Variants in RANBP17 observed in about 807,000 individuals in gnomAD.
RANBP17 encodes ran-binding protein 17.
In RANBP17, 158 loss-of-function variants were observed where a neutral mutation model predicts 141.2. That is an observed-to-expected ratio of 1.12 (90% CI 0.98 to 1.28). The LOEUF is 1.28. Ranked by LOEUF, RANBP17 falls within the 50% of genes most tolerant of loss-of-function variation. The pLI is 0.00. For missense variants in RANBP17, 1,438 were observed against 1,290.7 expected, an observed-to-expected ratio of 1.11 and a Z score of -1.75; for synonymous variants, 430 against 450.0, an observed-to-expected ratio of 0.96 and a Z score of 0.56.
At chr5:171,043,984 A>C (rs1458168424) in intron 14 of RANBP17, among the ~76,000 whole-genome samples, 1 of 152,152 alleles carries the variant, frequency 6.6e-6, no homozygotes, top group Admixed American at 6.6e-5. Flanking sequence ...GAAAGGATCT[A>C]TTTTAAAATC....
intron 25 of RANBP17, among the ~76,000 whole-genome samples, chr5:171,270,962 T>G (rs2115157): frequency 6.6e-6 from 1 of 152,030 alleles, no homozygotes; most frequent in African/African-American, 2.4e-5. Flanking sequence ...ATCTTACTCT[T>G]GTCTATTTAT....
rs542474025 is a variant in RANBP17 at position 170,911,885 on chromosome 5, G to T, written c.760+751G>T. 9.9e-5 allele frequency among the ~76,000 whole-genome samples: 15 copies of T among 151,914 alleles called. No homozygotes were observed. In the South Asian group the frequency reaches 1.9e-3, roughly 19 times the overall value. On this transcript the variant is annotated intron_variant, in intron 7 of 27. Coordinates refer to ENST00000523189, the MANE Select transcript of RANBP17 (RefSeq NM_022897.5). ...TAAGGTACCTCTGAACTCAGAATTG[G>T]GAAATGGGGCTGACGGGGTTTGATA...
At chr5:171,133,865 G>A (rs1440594669) in intron 14 of RANBP17, among the ~76,000 whole-genome samples, 3 of 152,148 alleles carry the variant, frequency 2.0e-5, no homozygotes, top group Non-Finnish European at 4.4e-5. Flanking sequence ...TAATGCATCA[G>A]GAGCTGCTTT....
intron 9 of RANBP17, 117 bp downstream of exon 9, chr5:170,916,701 T>A: frequency 1.6e-6 from 1 of 618,554 alleles, no homozygotes; most frequent in Non-Finnish European, 2.5e-6. Context: ...TAGTATCATA[T>A]ATATCTTCCT....
At chr5:171,004,256 G>A (rs1460462036) in intron 14 of RANBP17, among the ~76,000 whole-genome samples, 1 of 152,000 alleles carries the variant, frequency 6.6e-6, no homozygotes, top group Non-Finnish European at 1.5e-5. Context: ...GAGGATATGA[G>A]AGGAAGACAC....
At chr5:170,864,561 C>A (rs1001326766) in intron 1 of RANBP17, among the ~76,000 whole-genome samples, 1 of 152,106 alleles carries the variant, frequency 6.6e-6, no homozygotes, top group Non-Finnish European at 1.5e-5. Flanking sequence ...ATTAATGGGT[C>A]TGGATTCCCT....
At chr5:171,139,409 G>A (rs1204114349) in intron 14 of RANBP17, among the ~76,000 whole-genome samples, 3 of 152,068 alleles carry the variant, frequency 2.0e-5, no homozygotes, top group African/African-American at 7.2e-5. Context: ...CCCATTATAT[G>A]AGACTTATCT....
chr5:170,908,846 C>T (rs550179791), intron 5 of RANBP17, among the ~76,000 whole-genome samples: 4 of 151,846 alleles, frequency 2.6e-5, no homozygotes, highest in African/African-American at 9.6e-5. Context: ...ATTTTAAGCC[C>T]ATTGCTTCTT....
At chr5:171,067,908 A>G (rs1370087704) in intron 14 of RANBP17, among the ~76,000 whole-genome samples, 1 of 152,042 alleles carries the variant, frequency 6.6e-6, no homozygotes, top group African/African-American at 2.4e-5. Context: ...TGGGATTTAT[A>G]GAGTCATATC....
intron 14 of RANBP17, among the ~76,000 whole-genome samples, chr5:171,073,009 G>A (rs1784717235): frequency 6.6e-6 from 1 of 151,998 alleles, no homozygotes; most frequent in South Asian, 2.1e-4. Flanking sequence ...ACCGGAAAAG[G>A]CAGCTAATAA....
intron 14 of RANBP17, among the ~76,000 whole-genome samples, chr5:171,099,879 G>C (rs1787010721): frequency 6.6e-6 from 1 of 152,106 alleles, no homozygotes; most frequent in Non-Finnish European, 1.5e-5. Flanking sequence ...TTTTGTCATT[G>C]GTTCTGTTTA....
At chr5:171,013,009 A>T (rs1014478381) in intron 14 of RANBP17, among the ~76,000 whole-genome samples, 2 of 152,186 alleles carry the variant, frequency 1.3e-5, no homozygotes, top group African/African-American at 4.8e-5. Context: ...TTTTTGAAAG[A>T]TATTTAGAAG....
At position 171,170,204 on chromosome 5, in the gene RANBP17, G is replaced by C. The variant is rs868777270; in HGVS notation, c.1784+1G>C. 2 of 1,538,124 alleles carry C rather than the reference G, an allele frequency of 1.3e-6. No individual in the cohort carries two copies. Among genetic ancestry groups the C allele is most frequent in the Non-Finnish European group, 8.8e-7 (1 of 1,132,574 alleles). On this transcript the variant is annotated splice_donor_variant, in intron 15 of 27. Transcript: ENST00000523189. LOFTEE classifies it high-confidence loss of function. ...TTCTAGAGACGTTCATGACAAAAAT[G>C]TGAGTTCTTGTTTTGGTCTTTAATT... is the stretch of plus-strand genomic sequence containing the variant.
At chr5:171,149,985 CAG>C (rs1258161208) in intron 14 of RANBP17, among the ~76,000 whole-genome samples, 1 of 152,144 alleles carries the variant, frequency 6.6e-6, no homozygotes, top group Non-Finnish European at 1.5e-5. Context: ...GGGAGGCAAG[CAG>C]AGTGTTGAAG....
intron 14 of RANBP17, among the ~76,000 whole-genome samples, chr5:171,135,873 C>A (rs1757241813): frequency 6.6e-6 from 1 of 152,128 alleles, no homozygotes; most frequent in African/African-American, 2.4e-5. Flanking sequence ...AGGAACCTCA[C>A]CAAACTACAT....
intron 14 of RANBP17, among the ~76,000 whole-genome samples, chr5:171,087,481 T>C (rs1418960779): frequency 2.6e-5 from 4 of 151,884 alleles, no homozygotes; most frequent in African/African-American, 9.7e-5. Context: ...CTATTAGGTC[T>C]GCTTGGTGCA....
At chr5:171,254,284 T>TTCCA (rs1390108317) in intron 24 of RANBP17, among the ~76,000 whole-genome samples, 1 of 151,690 alleles carries the variant, frequency 6.6e-6, no homozygotes, top group Non-Finnish European at 1.5e-5. Flanking sequence ...GTTGTTGGAA[T>TTCCA]AATTAAAAAT....
Position 170,919,547 on chromosome 5 carries a change from C to G in RANBP17, c.1208C>G (p.Thr403Ser). ...VKSTEPHLLD[T>S]YAPEITKAFI... ...TCAACTGAACCCCACCTATTAGACA[C>G]TTATGCACCAGAAATCACGAAGGCC... The change falls in exon 11 of 28, where the codon ACT becomes AGT. Residue 403 changes from threonine to serine, a missense_variant. Transcript: ENST00000523189. 6.2e-7 allele frequency: 1 copy of G among 1,611,542 alleles called. No individual in the cohort carries two copies. Among genetic ancestry groups the G allele is most frequent in the Non-Finnish European group, 8.5e-7 (1 of 1,178,926 alleles).
At chr5:171,186,526 CTTTTTTTTTTTTTTT>C (rs757585137) in intron 18 of RANBP17, among the ~76,000 whole-genome samples, 1 of 41,650 alleles carries the variant, frequency 2.4e-5, no homozygotes, top group African/African-American at 8.9e-5. Flanking sequence ...GTATGATTTT[CTTTTTTTTTTTTTTT>C]TTTTTTTTTT....
Sources: gnomAD v4.1 joint callset for allele counts (sites outside exome capture counted in the v4.1 genomes callset) on GRCh38, gnomAD v4.1.1 for gene constraint, MANE v1.5 for transcripts, NCBI Gene and HGNC (gene_info 2026-07-23, HGNC 2026-07-21) for gene names.